Variants in CDH13 observed in about 807,000 individuals in gnomAD.
CDH13 encodes cadherin 13.
A neutral mutation model predicts 63.8 loss-of-function variants in CDH13; 24 were observed. The observed-to-expected ratio is 0.38, with a 90% CI of 0.27 to 0.53. The LOEUF is 0.53. Ranked by LOEUF, CDH13 falls within the 20% of genes least tolerant of loss-of-function variation. The pLI, the probability that CDH13 is intolerant of heterozygous loss-of-function variation, is 0.85. For missense variants in CDH13, 1,049 were observed against 903.1 expected (o/e 1.16, Z -2.07); for synonymous variants, 503 against 355.3 (o/e 1.42, Z -4.67).
At chr16:82,634,376 C>G (rs1032997346) in intron 1 of CDH13, among the ~76,000 whole-genome samples, 3 of 152,206 alleles carry the variant, frequency 2.0e-5, no homozygotes, top group African/African-American at 4.8e-5. Flanking sequence ...CTGTGATTGT[C>G]TCCCTGTGGA....
intron 5 of CDH13, among the ~76,000 whole-genome samples, chr16:83,226,163 C>G (rs1177559756): frequency 6.6e-6 from 1 of 152,188 alleles, no homozygotes; most frequent in Non-Finnish European, 1.5e-5. Context: ...CTGACTTTTT[C>G]CAGTTCGTCT....
chr16:83,208,223 G>C (rs1443693959), intron 4 of CDH13, among the ~76,000 whole-genome samples: 2 of 152,196 alleles, frequency 1.3e-5, no homozygotes, highest in Admixed American at 1.3e-4. Context: ...TCTTGGCCAT[G>C]AGCTTTCCTT....
intron 5 of CDH13, among the ~76,000 whole-genome samples, chr16:83,300,229 A>G (rs945637640): frequency 6.6e-6 from 1 of 152,262 alleles, no homozygotes; most frequent in African/African-American, 2.4e-5. Context: ...AGAAAAGGTC[A>G]ACTTAGAAAA....
chr16:83,629,806 C>T (rs920223456), intron 8 of CDH13, among the ~76,000 whole-genome samples: 2 of 152,208 alleles, frequency 1.3e-5, no homozygotes, highest in African/African-American at 2.4e-5. Flanking sequence ...TGGAAAACTC[C>T]TTGGCCATCA....
intron 7 of CDH13, among the ~76,000 whole-genome samples, chr16:83,581,243 A>G (rs893450821): frequency 4.0e-4 from 61 of 152,202 alleles, no homozygotes; most frequent in African/African-American, 1.4e-3. Flanking sequence ...CAGTTGAGTC[A>G]TTTATCCCTG....
intron 1 of CDH13, chr16:82,719,231 G>A (rs886750440): frequency 2.4e-5 from 8 of 333,670 alleles, no homozygotes; most frequent in African/African-American, 2.2e-5. Flanking sequence ...TCCACGAGCA[G>A]GAACCTCACA....
intron 5 of CDH13, among the ~76,000 whole-genome samples, chr16:83,251,306 G>C (rs1905500967): frequency 6.6e-6 from 1 of 152,062 alleles, no homozygotes; most frequent in Non-Finnish European, 1.5e-5. Flanking sequence ...TGTTTTATTA[G>C]GTACCAGACA....
intron 7 of CDH13, among the ~76,000 whole-genome samples, chr16:83,513,844 A>G (rs1285652170): frequency 6.6e-6 from 1 of 152,194 alleles, no homozygotes; most frequent in African/African-American, 2.4e-5. Context: ...AATAGGCCGC[A>G]GATCACCTTT....
chr16:83,514,750 C>A (rs1444300440), intron 7 of CDH13, among the ~76,000 whole-genome samples: 1 of 152,104 alleles, frequency 6.6e-6, no homozygotes, highest in African/African-American at 2.4e-5. Context: ...AGTCTATAAA[C>A]CAAGAAATAC....
intron 1 of CDH13, among the ~76,000 whole-genome samples, chr16:82,732,649 A>G (rs2033465115): frequency 6.6e-6 from 1 of 152,224 alleles, no homozygotes; most frequent in South Asian, 2.1e-4. Context: ...AAGCCAAGAG[A>G]TAAAAGCCAG....
At chr16:83,713,329 C>T (rs1407905944) in intron 10 of CDH13, among the ~76,000 whole-genome samples, 2 of 152,210 alleles carry the variant, frequency 1.3e-5, no homozygotes. Flanking sequence ...TGCCATTGGC[C>T]TCCCACCCCA....
At chr16:83,152,990 C>G (rs971298436) in intron 4 of CDH13, among the ~76,000 whole-genome samples, 4 of 152,172 alleles carry the variant, frequency 2.6e-5, no homozygotes, top group African/African-American at 9.6e-5. Context: ...CAGACAGTAA[C>G]CACCAAAAGC....
intron 1 of CDH13, among the ~76,000 whole-genome samples, chr16:82,655,370 A>G (rs959962178): frequency 2.0e-5 from 3 of 152,172 alleles, no homozygotes; most frequent in African/African-American, 7.2e-5. Flanking sequence ...GAGAGGAGAC[A>G]TTTCAACTGA....
At chr16:83,697,549 G>A (rs1646184780) in intron 10 of CDH13, among the ~76,000 whole-genome samples, 1 of 152,218 alleles carries the variant, frequency 6.6e-6, no homozygotes, top group African/African-American at 2.4e-5. Context: ...TAAGGAAGGT[G>A]TGTTTAAGCA....
chr16:82,838,025 C>G (rs1334239022), intron 1 of CDH13, among the ~76,000 whole-genome samples: 3 of 152,180 alleles, frequency 2.0e-5, no homozygotes, highest in Non-Finnish European at 4.4e-5. Context: ...TGGCTTCATC[C>G]CCAGTACTAC....
intron 2 of CDH13, among the ~76,000 whole-genome samples, chr16:82,892,379 A>G (rs2041110727): frequency 6.6e-6 from 1 of 152,240 alleles, no homozygotes; most frequent in African/African-American, 2.4e-5. Flanking sequence ...TCGGGATGAC[A>G]TTTGACTGTT....
intron 13 of CDH13, among the ~76,000 whole-genome samples, chr16:83,783,686 A>C (rs749400691): frequency 5.9e-5 from 9 of 152,190 alleles, no homozygotes; most frequent in Non-Finnish European, 1.0e-4. Context: ...AGCCAGTCTG[A>C]GGGATTGTGC....
intron 4 of CDH13, among the ~76,000 whole-genome samples, chr16:83,206,815 C>G (rs1422272704): frequency 1.3e-5 from 2 of 152,248 alleles, no homozygotes; most frequent in African/African-American, 2.4e-5. Flanking sequence ...ATCAAGAGAC[C>G]AAGGACACTG....
intron 4 of CDH13, among the ~76,000 whole-genome samples, chr16:83,135,378 A>C (rs2036236850): frequency 6.6e-6 from 1 of 152,180 alleles, no homozygotes; most frequent in African/African-American, 2.4e-5. Flanking sequence ...TGCATAGCAC[A>C]CTCACACAAA....
Sources: allele counts gnomAD v4.1 joint callset (sites outside exome capture counted in the v4.1 genomes callset), GRCh38; gene constraint gnomAD v4.1.1; transcripts MANE v1.5; gene names NCBI Gene and HGNC (gene_info 2026-07-23, HGNC 2026-07-21).